The following ANK3 variants were observed in gnomAD, a reference collection of about 807,000 sequenced individuals.
ANK3 encodes the protein ankyrin 3.
ANK3 carries 57 observed loss-of-function variants against 370.9 expected under a neutral mutation model. The observed-to-expected ratio is 0.15, with a 90% CI of 0.12 to 0.19. The LOEUF is 0.19. Among genes scored for constraint, ANK3 ranks in the 10% least tolerant of loss-of-function variants. ANK3 has a pLI of 1.00. For missense variants in ANK3, 4,439 were observed against 5,302.1 expected, an observed-to-expected ratio of 0.84 and a Z score of 5.06; for synonymous variants, 1,929 against 1,946.3, an observed-to-expected ratio of 0.99 and a Z score of 0.23.
chr10:60,362,998 C>T (rs1157514059), intron 1 of ANK3, among the ~76,000 whole-genome samples: 14 of 146,036 alleles, frequency 9.6e-5, no homozygotes, highest in East Asian at 4.1e-4. Context: ...ATTCCCAAGC[C>T]GTTTTCTTTT....
At chr10:60,228,602 G>A (rs1409068195) in intron 8 of ANK3, among the ~76,000 whole-genome samples, 1 of 149,900 alleles carries the variant, frequency 6.7e-6, no homozygotes, top group Non-Finnish European at 1.5e-5. Context: ...GATGTTACAT[G>A]TTTGAAACAA....
chr10:60,388,317 A>G (rs1015973618), intron 1 of ANK3, among the ~76,000 whole-genome samples: 2 of 152,196 alleles, frequency 1.3e-5, no homozygotes, highest in Admixed American at 1.3e-4. Context: ...TATAGATCCT[A>G]ACTCTGAAGA....
At chr10:60,077,905 C>T (rs1333034660) in intron 36 of ANK3, among the ~76,000 whole-genome samples, 1 of 152,112 alleles carries the variant, frequency 6.6e-6, no homozygotes, top group East Asian at 1.9e-4. Context: ...TATAGTAATA[C>T]CAGCATTTCT....
chr10:60,359,813 G>A (rs1232380772), intron 1 of ANK3, among the ~76,000 whole-genome samples: 2 of 152,028 alleles, frequency 1.3e-5, no homozygotes, highest in African/African-American at 2.4e-5. Flanking sequence ...ACTAATCAAA[G>A]GATTATCAAT....
intron 1 of ANK3, among the ~76,000 whole-genome samples, chr10:60,338,608 G>T (rs538394623): frequency 2.8e-4 from 42 of 152,280 alleles, no homozygotes; most frequent in African/African-American, 9.6e-4. Flanking sequence ...GTATGACGTT[G>T]TGTCCCCCCA....
chr10:60,435,455 C>T (rs1374050039), intron 2 of ANK3, among the ~76,000 whole-genome samples: 2 of 152,078 alleles, frequency 1.3e-5, no homozygotes, highest in Non-Finnish European at 2.9e-5. Context: ...CCATATAGAC[C>T]TTTATCAAAA....
intron 2 of ANK3, among the ~76,000 whole-genome samples, chr10:60,559,962 G>C (rs999538326): frequency 6.6e-6 from 1 of 152,096 alleles, no homozygotes; most frequent in Non-Finnish European, 1.5e-5. Flanking sequence ...AGAATCGCTT[G>C]AACCTGGGAG....
intron 2 of ANK3, among the ~76,000 whole-genome samples, chr10:60,577,366 T>A (rs2077695983): frequency 6.6e-6 from 1 of 152,174 alleles, no homozygotes; most frequent in South Asian, 2.1e-4. Context: ...TTGATATGGT[T>A]TGGCTGTCTC....
intron 27 of ANK3, among the ~76,000 whole-genome samples, chr10:60,108,486 G>C (rs1436142663): frequency 6.6e-6 from 1 of 152,094 alleles, no homozygotes; most frequent in Non-Finnish European, 1.5e-5. Flanking sequence ...TGTCCCCAAA[G>C]TAGCCATATA....
intron 2 of ANK3, among the ~76,000 whole-genome samples, chr10:60,502,087 G>A (rs1225673320): frequency 6.6e-6 from 1 of 152,018 alleles, no homozygotes; most frequent in African/African-American, 2.4e-5. Flanking sequence ...CAAAATAATG[G>A]AAAATACTTT....
In ANK3 at chr10:60,069,707, C is replaced by T. The variant is rs866080086; in HGVS notation, c.11174G>A (p.Gly3725Glu). Residue 3725 changes from glycine (G) to glutamate (E), a missense_variant, in exon 37 of 44, where the codon GGA (glycine) becomes GAA (glutamate). Coordinates refer to ENST00000280772, the MANE Select transcript of ANK3 (RefSeq NM_020987.5). ...DPKLRTPIKM[G>E]ISASTMTMKK... Reference sequence around the variant, plus strand: ...CATGGTCATGGTGGATGCAGAAATTCCCATTTTTATAGGCGTGCGCAACTT... The same window carrying T: ...CATGGTCATGGTGGATGCAGAAATTTCCATTTTTATAGGCGTGCGCAACTT... 1 of 1,613,764 alleles carries T rather than the reference C, an allele frequency of 6.2e-7. No individual in the cohort carries two copies. The highest frequency in any genetic ancestry group is 2.2e-5 in the East Asian group (1 of 44,870).
At position 60,075,283 on chromosome 10, in the gene ANK3, C is replaced by T. The variant is rs139480486; in HGVS notation, c.5598G>A (p.Gln1866=). ...IKTLTTETHP[Q]PHFSRTSSPV... ...GAGATGAAGTTCGACTGAAGTGAGG[C>T]TGAGGATGTGTCTCCGTAGTCAATG... The change falls in exon 37 of 44, where the codon CAG becomes CAA. Residue 1866 remains glutamine, a synonymous_variant. Transcript: ENST00000280772. The T allele has an allele frequency of 5.6e-6, 9 of 1,614,008 alleles. No individual in the cohort carries two copies. The African/African-American group carries it at 9.3e-5, about 17-fold the overall frequency.
chr10:60,347,711 G>A (rs564210314), intron 1 of ANK3, among the ~76,000 whole-genome samples: 3 of 152,148 alleles, frequency 2.0e-5, no homozygotes, highest in South Asian at 2.1e-4. Context: ...AGACCTATTC[G>A]TAATGATATA....
chr10:60,455,715 C>T (rs2064729263), intron 2 of ANK3, among the ~76,000 whole-genome samples: 1 of 152,144 alleles, frequency 6.6e-6, no homozygotes, highest in African/African-American at 2.4e-5. Flanking sequence ...ACATTTGAGG[C>T]ACCGTGATCC....
intron 1 of ANK3, among the ~76,000 whole-genome samples, chr10:60,348,069 A>C (rs1343195929): frequency 6.6e-6 from 1 of 152,014 alleles, no homozygotes; most frequent in Non-Finnish European, 1.5e-5. Context: ...CAGAAAGTGG[A>C]CTTTGTTTCC....
chr10:60,331,521 G>A (rs1435158781), intron 1 of ANK3, among the ~76,000 whole-genome samples: 1 of 147,616 alleles, frequency 6.8e-6, no homozygotes, highest in Non-Finnish European at 1.5e-5. Flanking sequence ...TAAAAGTTAA[G>A]ATCTCAATAA....
chr10:60,712,367 T>G (rs1235504879), intron 1 of ANK3, among the ~76,000 whole-genome samples: 1 of 152,206 alleles, frequency 6.6e-6, no homozygotes, highest in Non-Finnish European at 1.5e-5. Flanking sequence ...AGGAATTGGA[T>G]AGCCTCTGTT....
chr10:60,402,335 G>A (rs2063368391), intron 2 of ANK3, among the ~76,000 whole-genome samples: 1 of 152,166 alleles, frequency 6.6e-6, no homozygotes, highest in Non-Finnish European at 1.5e-5. Flanking sequence ...TGGTTTTGAT[G>A]AGACACCAAA....
intron 1 of ANK3, among the ~76,000 whole-genome samples, chr10:60,356,016 C>T (rs745927533): frequency 2.4e-4 from 37 of 152,150 alleles, no homozygotes; most frequent in Admixed American, 2.6e-4. Context: ...AGTCTAGTAA[C>T]AGCAACACAC....
Sources: gnomAD v4.1 joint callset for allele counts (sites outside exome capture counted in the v4.1 genomes callset) on GRCh38, gnomAD v4.1.1 for gene constraint, MANE v1.5 for transcripts, NCBI Gene and HGNC (gene_info 2026-07-23, HGNC 2026-07-21) for gene names.